The following OGDH variants were observed in gnomAD, a reference collection of about 807,000 sequenced individuals.
OGDH encodes the protein 2-oxoglutarate dehydrogenase complex component E1.
In OGDH, 38 loss-of-function variants were observed where a neutral mutation model predicts 116.6. That is an observed-to-expected ratio of 0.33 (90% CI 0.25 to 0.43). OGDH has a LOEUF of 0.43. Among genes scored for constraint, OGDH ranks in the 20% least tolerant of loss-of-function variants. The pLI, the probability that OGDH is intolerant of heterozygous loss-of-function variation, is 1.00. For missense variants in OGDH, 825 were observed against 1,357.2 expected, an observed-to-expected ratio of 0.61 and a Z score of 6.16; for synonymous variants, 488 against 533.3, an observed-to-expected ratio of 0.92 and a Z score of 1.17.
chr7:44,659,699 G>T (rs531097894), intron 4 of OGDH, among the ~76,000 whole-genome samples: 17 of 152,222 alleles, frequency 1.1e-4, no homozygotes, highest in Non-Finnish European at 2.1e-4. Context: ...CCTTATTTTT[G>T]ATAGTCATTT....
intron 2 of OGDH, among the ~76,000 whole-genome samples, chr7:44,635,128 G>C (rs1232197826): frequency 6.6e-6 from 1 of 152,196 alleles, no homozygotes; most frequent in Non-Finnish European, 1.5e-5. Flanking sequence ...CACTGAGGCC[G>C]GGATGGGAGG....
chr7:44,703,932 C>T (rs1788952264), intron 20 of OGDH, among the ~76,000 whole-genome samples: 1 of 152,032 alleles, frequency 6.6e-6, no homozygotes, highest in Non-Finnish European at 1.5e-5. Flanking sequence ...GTGTATGCCA[C>T]ATTTTGCTCA....
chr7:44,632,681 G>A (rs984840787), intron 2 of OGDH, among the ~76,000 whole-genome samples: 28 of 151,834 alleles, frequency 1.8e-4, no homozygotes, highest in Non-Finnish European at 2.9e-4. Context: ...GCAATGGCAC[G>A]ATCTCGGCTC....
In OGDH at chr7:44,610,852, AC is replaced by A. The variant is rs1487085603; in HGVS notation, c.-28+4204del. Among the ~76,000 whole-genome samples, 6 of 138,600 alleles carry A rather than the reference AC, an allele frequency of 4.3e-5. No individual in the cohort carries two copies. In the East Asian group the frequency reaches 1.1e-3, roughly 26 times the overall value. The allele number at this position is 138,600 out of a possible 152,430, so 90.9% of individuals were successfully genotyped here. Reference sequence around the variant, plus strand: ...TGGATCTCCTGACCTCGTGATCGACACCCCCTTGGCCTCCCAAAGTGCTGGG... The same window carrying A: ...TGGATCTCCTGACCTCGTGATCGACACCCCTTGGCCTCCCAAAGTGCTGGG... On this transcript the variant is annotated intron_variant, in intron 1 of 22. Transcript: ENST00000222673.
intron 10 of OGDH, among the ~76,000 whole-genome samples, chr7:44,685,528 A>C (rs1788091730): frequency 6.6e-6 from 1 of 152,250 alleles, no homozygotes; most frequent in Admixed American, 6.5e-5. Flanking sequence ...ATCAGTGGAT[A>C]CTTGGGTTAC....
intron 2 of OGDH, among the ~76,000 whole-genome samples, chr7:44,636,625 C>A (rs1246206348): frequency 1.3e-5 from 2 of 152,204 alleles, no homozygotes; most frequent in Non-Finnish European, 2.9e-5. Flanking sequence ...ACTGAGGATA[C>A]TGTTTCTAGC....
In OGDH at chr7:44,694,079, C is replaced by G. The variant is rs918956353; in HGVS notation, c.1515+75C>G. On this transcript the variant is annotated intron_variant, in intron 11 of 22. Transcript: ENST00000222673. The surrounding 1 kb of genome is among the most constrained non-coding windows in gnomAD (Gnocchi z 4.2). ...CCTCTTGCCCTCGGCACCCCTGTGT[C>G]CCAAGGAGAGGAGCTTGTCTAGATG... The G allele has an allele frequency of 1.2e-5, 17 of 1,475,302 alleles. No individual in the cohort carries two copies. The highest frequency in any genetic ancestry group is 1.5e-5 in the Non-Finnish European group (16 of 1,091,372). The allele number at this position is 1,475,302 out of a possible 1,614,324, so 91.4% of individuals were successfully genotyped here. A position where few individuals can be genotyped will look rare whatever the true frequency, so the allele number is the denominator to read the frequency against.
rs1787680333 is a variant in OGDH, at chr7:44,676,088, C to G, written c.1145C>G (p.Pro382Arg). Reference sequence around the variant, plus strand: ...CCTTCCCACCTTGAGGCCGCTGACCCCGTGGTGATGGGCAAGACCAAAGCC... The same window carrying G: ...CCTTCCCACCTTGAGGCCGCTGACCGCGTGGTGATGGGCAAGACCAAAGCC... ...ANPSHLEAAD[P>R]VVMGKTKAEQ... The change falls in exon 9 of 23, where the codon CCC becomes CGC. Residue 382 changes from proline (P) to arginine (R), a missense_variant. Around this residue, in one of 7 missense-constraint regions of OGDH, gnomAD observed 146 missense variants for 317.3 expected, o/e 0.46. Transcript: ENST00000222673. 6.2e-7 allele frequency: 1 copy of G among 1,613,896 alleles called. No homozygotes were observed.
chr7:44,661,897 C>T (rs141624084), intron 4 of OGDH, among the ~76,000 whole-genome samples: 4 of 152,212 alleles, frequency 2.6e-5, no homozygotes, highest in South Asian at 2.1e-4. Context: ...CCACGCCTGG[C>T]GTGTTTTTGA....
chr7:44,644,049 A>G (rs2115763237), intron 2 of OGDH, among the ~76,000 whole-genome samples: 1 of 152,334 alleles, frequency 6.6e-6, no homozygotes, highest in East Asian at 1.9e-4. Flanking sequence ...TCTACTAAAA[A>G]TACAAAAATT....
rs1787604277 is a variant in OGDH at position 44,674,503 on chromosome 7, T to C, written c.881T>C (p.Ile294Thr). 1 of 1,614,200 alleles carries C rather than the reference T, an allele frequency of 6.2e-7. No individual in the cohort carries two copies. The highest frequency in any genetic ancestry group is 1.7e-5 in the Admixed American group (1 of 60,014). Residue 294 changes from isoleucine (I) to threonine (T), a missense_variant, in exon 7 of 23, where the codon ATT becomes ACT. Physicochemically the swap from Ile to Thr is moderately conservative, Grantham distance 89. Coordinates refer to ENST00000222673, the MANE Select transcript of OGDH (RefSeq NM_002541.4). The stretch of plus-strand genomic sequence containing the variant: ...CTGATCCCTGCCCTCAAGACCATCA[T>C]TGACAAGTCTAGTGAGAATGGCGTG... ...EVLIPALKTI[I>T]DKSSENGVDY...
At chr7:44,614,825 CT>C (rs941726010) in intron 1 of OGDH, among the ~76,000 whole-genome samples, 1 of 133,508 alleles carries the variant, frequency 7.5e-6, no homozygotes, top group East Asian at 2.2e-4. Flanking sequence ...TATCCCGGTT[CT>C]TTTGGTTCTT....
Position 44,680,882 on chromosome 7 carries a change from A to G in OGDH, c.1207-838A>G, listed in dbSNP as rs533650702. On this transcript the variant is annotated intron_variant, in intron 9 of 22. Transcript: ENST00000222673. Reference sequence around the variant, plus strand: ...GCAGCTGGACAGAGCTGCTCTCCCTATCAACCTGGAACAGTGTGAGCATTA... The same window carrying G: ...GCAGCTGGACAGAGCTGCTCTCCCTGTCAACCTGGAACAGTGTGAGCATTA... Among the ~76,000 whole-genome samples, 9 of 152,308 alleles carry G rather than the reference A, an allele frequency of 5.9e-5. No individual in the cohort carries two copies. The East Asian group carries it at 1.5e-3, about 26-fold the overall frequency.
intron 1 of OGDH, among the ~76,000 whole-genome samples, chr7:44,617,673 C>T (rs1010271465): frequency 8.5e-5 from 13 of 152,098 alleles, no homozygotes; most frequent in African/African-American, 2.9e-4. Context: ...AGCCATAGGT[C>T]TGTAGCAAAT....
At chr7:44,700,425 C>G (rs1322257406) in intron 19 of OGDH, among the ~76,000 whole-genome samples, 156 bp downstream of exon 19, 3 of 152,238 alleles carry the variant, frequency 2.0e-5, no homozygotes, top group African/African-American at 7.2e-5. Flanking sequence ...CTCGCCCTTC[C>G]TCCTCACTGC....
intron 4 of OGDH, among the ~76,000 whole-genome samples, chr7:44,655,579 C>T (rs771720895): frequency 2.0e-4 from 30 of 152,340 alleles, no homozygotes; most frequent in Admixed American, 5.9e-4. Context: ...TTACTGCCTA[C>T]CTTCCTGACC....
At chr7:44,638,837 A>G (rs1416513792) in intron 2 of OGDH, among the ~76,000 whole-genome samples, 1 of 152,220 alleles carries the variant, frequency 6.6e-6, no homozygotes, top group Non-Finnish European at 1.5e-5. Context: ...TCTCTCTTCC[A>G]GAAGCTTTCT....
At chr7:44,619,814 A>T (rs1784940687) in intron 1 of OGDH, among the ~76,000 whole-genome samples, 5 of 151,842 alleles carry the variant, frequency 3.3e-5, no homozygotes, top group Non-Finnish European at 7.4e-5. Flanking sequence ...TGGTGACTTT[A>T]TGTGTTTATT....
At chr7:44,702,087 A>C (rs540955781) in intron 20 of OGDH, among the ~76,000 whole-genome samples, 9 of 151,988 alleles carry the variant, frequency 5.9e-5, no homozygotes, top group African/African-American at 2.2e-4. Context: ...AAAAAAAAAA[A>C]GTCCCATGAT....
Sources: allele counts gnomAD v4.1 joint callset (sites outside exome capture counted in the v4.1 genomes callset), GRCh38; gene constraint gnomAD v4.1.1; regional missense constraint gnomAD v4.1.1; non-coding constraint Gnocchi (gnomAD v3.1); transcripts MANE v1.5; gene names NCBI Gene and HGNC (gene_info 2026-07-23, HGNC 2026-07-21).